Variants in PRKN observed in about 807,000 individuals in gnomAD.
PRKN encodes the protein parkin RBR E3 ubiquitin protein ligase.
PRKN carries 56 observed loss-of-function variants against 59.5 expected under a neutral mutation model. That is an observed-to-expected ratio of 0.94 (90% CI 0.76 to 1.18). The LOEUF is 1.18. Among genes scored for constraint, PRKN ranks in the 50% most tolerant of loss-of-function variants. PRKN has a pLI of 0.00. For missense variants in PRKN, 657 were observed against 596.4 expected, an observed-to-expected ratio of 1.10 and a Z score of -1.06; for synonymous variants, 250 against 222.1, an observed-to-expected ratio of 1.13 and a Z score of -1.12.
At position 162,600,296 on chromosome 6, in the gene PRKN, A is replaced by G. The variant is rs901086401; in HGVS notation, c.7+127366T>C. ...TTTGAGTTCAACCATATTATTGTACATATCAGTAGTTTATTTTTTAATTAC... is the reference window on the plus strand; with the variant it reads ...TTTGAGTTCAACCATATTATTGTACGTATCAGTAGTTTATTTTTTAATTAC... On this transcript the variant is annotated intron_variant, in intron 1 of 11. Transcript: ENST00000366898. Among the ~76,000 whole-genome samples, 8 of 152,304 alleles carry G rather than the reference A, an allele frequency of 5.3e-5. No individual in the cohort carries two copies. In the East Asian group the frequency reaches 1.5e-3, roughly 29 times the overall value.
intron 7 of PRKN, among the ~76,000 whole-genome samples, chr6:161,697,125 C>A (rs1299972934): frequency 6.6e-6 from 1 of 152,144 alleles, no homozygotes; most frequent in Admixed American, 6.5e-5. Flanking sequence ...TGTGAAGTAG[C>A]CTGTTAGTCC....
rs887697351 is a variant in PRKN, at chr6:161,593,439, T to C, written c.872-24023A>G. Reference sequence around the variant, plus strand: ...TATTGGCCAATCCCCAACCCTGAACTCTGGAATAGTCTGGGGGAGCAAAAC... The same window carrying C: ...TATTGGCCAATCCCCAACCCTGAACCCTGGAATAGTCTGGGGGAGCAAAAC... On this transcript the variant is annotated intron_variant, in intron 7 of 11. Transcript: ENST00000366898. This position sits in a 1 kb window ranked among gnomAD's most constrained non-coding sequence, Gnocchi z 4.8. Among the ~76,000 whole-genome samples the C allele has an allele frequency of 6.6e-6, 1 of 152,062 alleles. No homozygotes were observed. The highest frequency in any genetic ancestry group is 1.5e-5 in the Non-Finnish European group (1 of 68,012).
intron 5 of PRKN, among the ~76,000 whole-genome samples, chr6:162,031,457 A>T (rs1413104654): frequency 6.6e-6 from 1 of 151,734 alleles, no homozygotes; most frequent in Non-Finnish European, 1.5e-5. Flanking sequence ...GTCAAAGCTT[A>T]TTTACAAATA....
intron 9 of PRKN, among the ~76,000 whole-genome samples, chr6:161,505,181 C>T (rs1778114150): frequency 6.6e-6 from 1 of 152,222 alleles, no homozygotes; most frequent in Non-Finnish European, 1.5e-5. Context: ...TCCTCTCAAG[C>T]ATCTGTTGTT....
At chr6:162,450,429 T>TAAACGCCC (rs1562774367) in intron 1 of PRKN, among the ~76,000 whole-genome samples, 81 of 150,160 alleles carry the variant, frequency 5.4e-4, no homozygotes, top group African/African-American at 1.6e-3. Flanking sequence ...CCTGTGATTG[T>TAAACGCCC]CTTCCTCCTG....
chr6:161,952,173 A>AC lies in PRKN; in HGVS notation c.734+21128dup, dbSNP rs59201267. 8.4e-3 allele frequency among the ~76,000 whole-genome samples: 1,276 copies of AC among 152,200 alleles called. 16 individuals are homozygous for AC. The highest frequency in any genetic ancestry group is 0.028 in the African/African-American group (1,175 of 41,528). On this transcript the variant is annotated intron_variant, in intron 6 of 11. Coordinates refer to ENST00000366898, the MANE Select transcript of PRKN (RefSeq NM_004562.3). ...AAGGAGCTGGGGCATTGAGGGTGCC[A>AC]CCCTCTGTTCTGCTTGTCCTTTTCA...
At position 162,226,902 on chromosome 6, in the gene PRKN, C is replaced by T. The variant is rs138438035; in HGVS notation, c.413-25650G>A. 2.6e-5 allele frequency among the ~76,000 whole-genome samples: 4 copies of T among 152,300 alleles called. No homozygotes were observed. In the East Asian group the frequency reaches 7.7e-4, roughly 29 times the overall value. ...TCAAAATCAGTCATGGCTCCAGTCC[C>T]CTCCTTGGTATATGCTGCTACTTAT... On this transcript the variant is annotated intron_variant, in intron 3 of 11. Coordinates refer to ENST00000366898, the MANE Select transcript of PRKN (RefSeq NM_004562.3).
chr6:161,434,420 C>T (rs1788790277), intron 9 of PRKN, among the ~76,000 whole-genome samples: 1 of 152,130 alleles, frequency 6.6e-6, no homozygotes, highest in South Asian at 2.1e-4. Context: ...TGGGGAATTT[C>T]CCTAAGTTTC....
At chr6:161,868,863 G>A (rs1197175827) in intron 6 of PRKN, among the ~76,000 whole-genome samples, 1 of 152,180 alleles carries the variant, frequency 6.6e-6, no homozygotes. Context: ...GGCCCTTGCA[G>A]CAGGTACTAG....
chr6:161,628,131 G>A (rs1233762742), intron 7 of PRKN, among the ~76,000 whole-genome samples: 4 of 152,128 alleles, frequency 2.6e-5, no homozygotes, highest in African/African-American at 9.6e-5. Flanking sequence ...TTATTCTATA[G>A]AAAAACTAGA....
chr6:162,520,102 A>T (rs11961845), intron 1 of PRKN, among the ~76,000 whole-genome samples: 15,341 of 152,078 alleles, frequency 0.1, 869 homozygotes, highest in South Asian at 0.17. Flanking sequence ...ATATATATAT[A>T]TTTTTAAATA....
chr6:162,668,671 C>T (rs1011397299), intron 1 of PRKN, among the ~76,000 whole-genome samples: 12 of 152,138 alleles, frequency 7.9e-5, no homozygotes, highest in African/African-American at 2.4e-4. Context: ...AGAACTCAAG[C>T]GTTGACACAA....
chr6:161,613,417 T>C (rs1420496204), intron 7 of PRKN, among the ~76,000 whole-genome samples: 1 of 152,118 alleles, frequency 6.6e-6, no homozygotes, highest in Non-Finnish European at 1.5e-5. Flanking sequence ...ACTGGGAACA[T>C]TGTTGAAATG....
chr6:162,022,570 T>TAG (rs1783248674), intron 5 of PRKN, among the ~76,000 whole-genome samples: 1 of 152,212 alleles, frequency 6.6e-6, no homozygotes. Flanking sequence ...TTCTAGATAT[T>TAG]AGTCTTTTAT....
chr6:162,398,804 T>C (rs1234122927), intron 2 of PRKN, among the ~76,000 whole-genome samples: 1 of 152,232 alleles, frequency 6.6e-6, no homozygotes, highest in Non-Finnish European at 1.5e-5. Flanking sequence ...TGGCAAATGA[T>C]ACATTCCTGC....
At chr6:161,476,923 G>C (rs1791112177) in intron 9 of PRKN, among the ~76,000 whole-genome samples, 1 of 152,228 alleles carries the variant, frequency 6.6e-6, no homozygotes, top group Admixed American at 6.5e-5. Flanking sequence ...AAAACTGGTG[G>C]GCGAGCTGAG....
intron 6 of PRKN, among the ~76,000 whole-genome samples, chr6:161,895,525 C>CTATG (rs1562371961): frequency 9.5e-6 from 1 of 105,216 alleles, no homozygotes. Flanking sequence ...TTATGCCCCC[C>CTATG]AGTGAGGCTT....
chr6:161,809,902 T>C (rs766454288), intron 6 of PRKN, among the ~76,000 whole-genome samples: 60 of 152,236 alleles, frequency 3.9e-4, no homozygotes, highest in Admixed American at 3.9e-4. Flanking sequence ...TAAAGCAATG[T>C]GGAATTCTTT....
At chr6:161,665,133 T>TA (rs1201587561) in intron 7 of PRKN, among the ~76,000 whole-genome samples, 1 of 152,136 alleles carries the variant, frequency 6.6e-6, no homozygotes, top group South Asian at 2.1e-4. Flanking sequence ...ATTATACTAG[T>TA]AAAAAAACCA....
Sources: allele counts gnomAD v4.1 joint callset (sites outside exome capture counted in the v4.1 genomes callset), GRCh38; gene constraint gnomAD v4.1.1; non-coding constraint Gnocchi (gnomAD v3.1); transcripts MANE v1.5; gene names NCBI Gene and HGNC (gene_info 2026-07-23, HGNC 2026-07-21).